Variants in IPCEF1 observed in about 807,000 individuals in gnomAD.
The protein encoded by IPCEF1 is interactor protein for cytohesin exchange factors 1.
A neutral mutation model predicts 50.9 loss-of-function variants in IPCEF1; 31 were observed. That is an observed-to-expected ratio of 0.61 (90% CI 0.46 to 0.82). The LOEUF (loss-of-function observed/expected upper bound fraction) is 0.82. IPCEF1 is among the 40% of genes least tolerant of loss of function. IPCEF1 has a pLI of 0.00. For missense variants in IPCEF1, 458 were observed against 514.0 expected (o/e 0.89, Z 1.05); for synonymous variants, 181 against 192.0 (o/e 0.94, Z 0.47).
chr6:154,215,063 G>A (rs908570913), intron 7 of IPCEF1, among the ~76,000 whole-genome samples: 1 of 152,120 alleles, frequency 6.6e-6, no homozygotes, highest in Non-Finnish European at 1.5e-5. Flanking sequence ...GGAGGATCTT[G>A]CTTATTTCTG....
intron 1 of IPCEF1, among the ~76,000 whole-genome samples, chr6:154,290,451 CA>C (rs1173222739): frequency 1.3e-5 from 2 of 152,182 alleles, no homozygotes; most frequent in Non-Finnish European, 1.5e-5. Flanking sequence ...GGCACTTTTC[CA>C]AGTGTACTTT....
At chr6:154,181,364 A>G (rs2128568819) in intron 10 of IPCEF1, among the ~76,000 whole-genome samples, 1 of 152,266 alleles carries the variant, frequency 6.6e-6, no homozygotes, top group African/African-American at 2.4e-5. Flanking sequence ...ACGTTATTTC[A>G]TTATCTTTTA....
intron 10 of IPCEF1, among the ~76,000 whole-genome samples, chr6:154,194,854 A>G (rs1201780859): frequency 6.6e-6 from 1 of 152,188 alleles, no homozygotes; most frequent in Admixed American, 6.5e-5. Flanking sequence ...GCCTGAGATC[A>G]ATGCCATTGA....
At chr6:154,197,250 T>G (rs1236606418) in intron 10 of IPCEF1, among the ~76,000 whole-genome samples, 3 of 152,212 alleles carry the variant, frequency 2.0e-5, no homozygotes, top group African/African-American at 7.2e-5. Context: ...AAAGCTACCT[T>G]TGTCTGCAAC....
At chr6:154,278,505 C>G (rs1370124671) in intron 2 of IPCEF1, among the ~76,000 whole-genome samples, 1 of 152,220 alleles carries the variant, frequency 6.6e-6, no homozygotes. Context: ...CAAAGATGAA[C>G]TGCCAAGCCA....
chr6:154,352,259 T>C (rs761450319), intron 1 of IPCEF1, among the ~76,000 whole-genome samples: 1 of 152,186 alleles, frequency 6.6e-6, no homozygotes, highest in Non-Finnish European at 1.5e-5. Flanking sequence ...AGTAATATCA[T>C]TGGTTTTTTA....
chr6:154,221,640 G>A (rs1241152980), intron 6 of IPCEF1, among the ~76,000 whole-genome samples: 5 of 152,178 alleles, frequency 3.3e-5, no homozygotes, highest in Admixed American at 6.5e-5. Flanking sequence ...TTGGGAGGCC[G>A]AGGCGGGCAG....
rs187684807 is a variant in IPCEF1, at chr6:154,168,766, C to A, written c.911-653G>T. On this transcript the variant is annotated intron_variant, in intron 10 of 11. Transcript: ENST00000367220. This position sits in a 1 kb window ranked among gnomAD's most constrained non-coding sequence, Gnocchi z 4.1. ...GATTACAGGCACCTGCCACCATGCC[C>A]GGCTCATTTTTATATTTTTAGTACA... 6.6e-6 allele frequency among the ~76,000 whole-genome samples: 1 copy of A among 151,828 alleles called. No individual in the cohort carries two copies. The highest frequency in any genetic ancestry group is 1.5e-5 in the Non-Finnish European group (1 of 67,972).
chr6:154,310,959 TTAA>T (rs1783063997), intron 1 of IPCEF1, among the ~76,000 whole-genome samples: 1 of 152,202 alleles, frequency 6.6e-6, no homozygotes, highest in Non-Finnish European at 1.5e-5. Context: ...GTGAACACAG[TTAA>T]TAATAATGTA....
intron 10 of IPCEF1, among the ~76,000 whole-genome samples, chr6:154,174,478 C>T (rs1800138560): frequency 6.6e-6 from 1 of 151,956 alleles, no homozygotes; most frequent in Non-Finnish European, 1.5e-5. Context: ...GGAGGAAGAT[C>T]TATCAAGCAA....
At chr6:154,233,930 C>T (rs942150323) in intron 5 of IPCEF1, among the ~76,000 whole-genome samples, 8 of 152,210 alleles carry the variant, frequency 5.3e-5, no homozygotes, top group Admixed American at 1.3e-4. Flanking sequence ...CCAGCTAGGC[C>T]GGACGCCGTG....
At chr6:154,348,527 A>G (rs191751152) in intron 1 of IPCEF1, among the ~76,000 whole-genome samples, 6 of 152,324 alleles carry the variant, frequency 3.9e-5, no homozygotes, top group Admixed American at 2.0e-4. Context: ...GGAAAATATT[A>G]GGTACTCAAT....
At chr6:154,343,812 G>C (rs1169903232) in intron 1 of IPCEF1, among the ~76,000 whole-genome samples, 2 of 152,164 alleles carry the variant, frequency 1.3e-5, no homozygotes. Flanking sequence ...TCTTAGAACT[G>C]GGCTGGCAAC....
At chr6:154,259,844 C>T (rs2128650841) in intron 3 of IPCEF1, among the ~76,000 whole-genome samples, 1 of 152,192 alleles carries the variant, frequency 6.6e-6, no homozygotes, top group Non-Finnish European at 1.5e-5. Context: ...GTTCAAGTCT[C>T]CTGTTTTTGA....
At chr6:154,270,704 G>A (rs570531234) in intron 2 of IPCEF1, among the ~76,000 whole-genome samples, 11 of 152,190 alleles carry the variant, frequency 7.2e-5, no homozygotes, top group East Asian at 5.8e-4. Context: ...GGCCAGGTAC[G>A]GTGGCTCACG....
chr6:154,167,903 A>G lies in IPCEF1; in HGVS notation c.1104+17T>C, dbSNP rs1799567709. 3.2e-6 allele frequency: 5 copies of G among 1,558,258 alleles called. No individual in the cohort carries two copies. The highest frequency in any genetic ancestry group is 4.4e-6 in the Non-Finnish European group (5 of 1,139,722). ...CCCACATCCATAGAGTTCATCCACAATTTGAAATTTTGTTACCTTTAATGT... is the reference window on the plus strand; with the variant it reads ...CCCACATCCATAGAGTTCATCCACAGTTTGAAATTTTGTTACCTTTAATGT... On this transcript the variant is annotated intron_variant, in intron 11 of 11. Transcript: ENST00000367220.
chr6:154,190,975 G>C (rs1332124459), intron 10 of IPCEF1, among the ~76,000 whole-genome samples: 2 of 152,106 alleles, frequency 1.3e-5, no homozygotes, highest in Non-Finnish European at 2.9e-5. Flanking sequence ...AGAATGGCAT[G>C]AATCCAGGAG....
In IPCEF1 at chr6:154,154,647, G is replaced by A. The variant is rs1052907126; in HGVS notation, c.*5181C>T. The A allele has an allele frequency of 6.6e-6, 1 of 152,202 alleles. No homozygotes were observed. The highest frequency in any genetic ancestry group is 2.4e-5 in the African/African-American group (1 of 41,440). 9.4% of individuals were successfully genotyped at this position (152,202 alleles called of 1,614,324 possible). A position where few individuals can be genotyped will look rare whatever the true frequency, so the allele number is the denominator to read the frequency against. ...GCCACATGTTTATTTCTTTGAGAAA[G>A]CAACACTGCAGGACAAAAATGAACA... On this transcript the variant is annotated 3_prime_UTR_variant, in exon 12 of 12. Coordinates refer to ENST00000367220, the MANE Select transcript of IPCEF1 (RefSeq NM_001130700.2).
In IPCEF1 at chr6:154,343,929, C is replaced by A. The variant is rs149031294; in HGVS notation, c.-62+12743G>T. On this transcript the variant is annotated intron_variant, in intron 1 of 11. Transcript: ENST00000367220. ...TGGTGTGCCTGGCAGCATGGCCGAC[C>A]TCACATATCCCCACGTGTGTAGAAC... Among the ~76,000 whole-genome samples the A allele has an allele frequency of 1.6e-3, 237 of 152,272 alleles. 1 individual carries two copies. The highest frequency in any genetic ancestry group is 4.9e-3 in the African/African-American group (204 of 41,548).
Sources: allele counts gnomAD v4.1 joint callset (sites outside exome capture counted in the v4.1 genomes callset), GRCh38; gene constraint gnomAD v4.1.1; non-coding constraint Gnocchi (gnomAD v3.1); transcripts MANE v1.5; gene names NCBI Gene and HGNC (gene_info 2026-07-23, HGNC 2026-07-21).